Variants in RNF38 observed in about 807,000 individuals in gnomAD.
The protein encoded by RNF38 is E3 ubiquitin-protein ligase RNF38.
A neutral mutation model predicts 67.2 loss-of-function variants in RNF38; 15 were observed. That is an observed-to-expected ratio of 0.22 (90% CI 0.15 to 0.34). The LOEUF is 0.34. Among genes scored for constraint, RNF38 ranks in the 10% least tolerant of loss-of-function variants. The pLI, the probability that RNF38 is intolerant of heterozygous loss-of-function variation, is 1.00. For synonymous variants in RNF38, 220 were observed against 218.8 expected, an observed-to-expected ratio of 1.01 and a Z score of -0.05; for missense variants, 524 against 639.9, an observed-to-expected ratio of 0.82 and a Z score of 1.95.
chr9:36,430,353 T>A (rs189037913), intron 1 of RNF38, among the ~76,000 whole-genome samples: 96 of 152,268 alleles, frequency 6.3e-4, no homozygotes, highest in African/African-American at 2.3e-3. Flanking sequence ...ATTACAGGCA[T>A]GCGCCACCAC....
rs1467893462 is a variant in RNF38 at position 36,338,436 on chromosome 9, T to C, written c.*1316A>G. Reference sequence around the variant, plus strand: ...CAGTAAAATATCAAAACAAATCAGGTCTAAGGAACATGAGCTGTAACAGCA... The same window carrying C: ...CAGTAAAATATCAAAACAAATCAGGCCTAAGGAACATGAGCTGTAACAGCA... On this transcript the variant is annotated 3_prime_UTR_variant, in exon 12 of 12. Transcript: ENST00000259605. 1 of 152,124 alleles carries C rather than the reference T, an allele frequency of 6.6e-6. No individual in the cohort carries two copies. The highest frequency in any genetic ancestry group is 6.6e-5 in the Admixed American group (1 of 15,254). 9.4% of individuals were successfully genotyped at this position (152,124 alleles called of 1,614,324 possible).
chr9:36,469,441 C>G (rs1839944145), intron 1 of RNF38, among the ~76,000 whole-genome samples: 1 of 152,062 alleles, frequency 6.6e-6, no homozygotes, highest in Admixed American at 6.6e-5. Flanking sequence ...GGGCGAATCA[C>G]CTGAGGTCGG....
intron 1 of RNF38, among the ~76,000 whole-genome samples, chr9:36,464,058 T>C (rs1214895558): frequency 2.0e-5 from 3 of 151,754 alleles, no homozygotes; most frequent in African/African-American, 7.3e-5. Flanking sequence ...TCCCAGGTAC[T>C]CAGGTTGAGG....
intron 1 of RNF38, 80 bp downstream of exon 1, chr9:36,400,017 C>T (rs751399237): frequency 2.2e-5 from 29 of 1,294,016 alleles, no homozygotes; most frequent in East Asian, 7.0e-5. Flanking sequence ...TGTGTTTCTA[C>T]TTACGGTAGA....
intron 4 of RNF38, among the ~76,000 whole-genome samples, chr9:36,360,012 T>C (rs1012284025): frequency 2.6e-5 from 4 of 152,114 alleles, no homozygotes; most frequent in Admixed American, 1.3e-4. Context: ...CCCAAAGTGT[T>C]AGGATTATAG....
chr9:36,457,910 C>T (rs1463260067), intron 1 of RNF38, among the ~76,000 whole-genome samples: 1 of 152,096 alleles, frequency 6.6e-6, no homozygotes, highest in African/African-American at 2.4e-5. Flanking sequence ...ACACAAAATT[C>T]AGAATGTATG....
intron 2 of RNF38, among the ~76,000 whole-genome samples, chr9:36,411,464 AC>A (rs2134198691): frequency 6.6e-6 from 1 of 152,330 alleles, no homozygotes; most frequent in African/African-American, 2.4e-5. Context: ...ATACTTGTCC[AC>A]CCGTGTTCAT....
chr9:36,418,512 G>A (rs1046557108), intron 2 of RNF38, among the ~76,000 whole-genome samples: 5 of 141,076 alleles, frequency 3.5e-5, no homozygotes, highest in South Asian at 4.6e-4. Flanking sequence ...CAGGCTGGGC[G>A]CAGTGGCTCA....
At chr9:36,362,540 C>T (rs1834633413) in intron 4 of RNF38, among the ~76,000 whole-genome samples, 1 of 151,740 alleles carries the variant, frequency 6.6e-6, no homozygotes, top group Non-Finnish European at 1.5e-5. Context: ...CAGAACATGG[C>T]CAAAATCCCC....
chr9:36,486,047 A>G (rs547922076), intron 1 of RNF38, among the ~76,000 whole-genome samples: 32 of 152,204 alleles, frequency 2.1e-4, no homozygotes, highest in African/African-American at 7.5e-4. Flanking sequence ...CCTTCTTTGA[A>G]ACATCCCAAT....
At chr9:36,373,740 G>A (rs1231771717) in intron 3 of RNF38, among the ~76,000 whole-genome samples, 2 of 152,036 alleles carry the variant, frequency 1.3e-5, no homozygotes, top group South Asian at 2.1e-4. Flanking sequence ...CTCCCAAAGC[G>A]CTGGGATTAC....
chr9:36,358,915 G>T (rs1401244416), intron 4 of RNF38, among the ~76,000 whole-genome samples: 2 of 152,184 alleles, frequency 1.3e-5, no homozygotes, highest in Admixed American at 1.3e-4. Context: ...GGAGGCTGAG[G>T]CAGGAGAATC....
chr9:36,362,746 G>C (rs969856643), intron 4 of RNF38, among the ~76,000 whole-genome samples: 4 of 151,966 alleles, frequency 2.6e-5, no homozygotes, highest in Admixed American at 6.6e-5. Context: ...CCATTCTCCG[G>C]CCTCAGCCTT....
At chr9:36,470,793 T>A (rs1242959024) in intron 1 of RNF38, among the ~76,000 whole-genome samples, 1 of 152,022 alleles carries the variant, frequency 6.6e-6, no homozygotes, top group Admixed American at 6.6e-5. Flanking sequence ...GCAGCCCCCA[T>A]CTCCATACAG....
intron 2 of RNF38, among the ~76,000 whole-genome samples, chr9:36,385,356 T>C (rs915524245): frequency 2.7e-5 from 4 of 150,170 alleles, no homozygotes; most frequent in African/African-American, 9.8e-5. Context: ...TTTGGTGGTC[T>C]GCTGCTGGTC....
intron 1 of RNF38, among the ~76,000 whole-genome samples, chr9:36,426,154 TTTG>T (rs771734826): frequency 1.1e-4 from 16 of 152,374 alleles, no homozygotes; most frequent in East Asian, 9.6e-4. Flanking sequence ...CAGAATCGGA[TTTG>T]TTTTGTTTTG....
intron 6 of RNF38, among the ~76,000 whole-genome samples, chr9:36,354,192 T>G (rs1388135797): frequency 6.6e-6 from 1 of 152,144 alleles, no homozygotes; most frequent in African/African-American, 2.4e-5. Flanking sequence ...CTTTCCATTA[T>G]TTATTTATTT....
intron 1 of RNF38, among the ~76,000 whole-genome samples, chr9:36,394,789 T>C (rs1837397645): frequency 6.6e-6 from 1 of 152,222 alleles, no homozygotes. Context: ...ATAATCTAGT[T>C]TGATTAGTAA....
chr9:36,409,244 A>AGG (rs1838257776), intron 2 of RNF38, among the ~76,000 whole-genome samples: 1 of 147,966 alleles, frequency 6.8e-6, no homozygotes, highest in African/African-American at 2.6e-5. Flanking sequence ...GATGGAAGGA[A>AGG]AGAAGGAAGG....
Sources: gnomAD v4.1 joint callset for allele counts (sites outside exome capture counted in the v4.1 genomes callset) on GRCh38, gnomAD v4.1.1 for gene constraint, MANE v1.5 for transcripts, NCBI Gene and HGNC (gene_info 2026-07-23, HGNC 2026-07-21) for gene names.